Variants in SDK2 observed in about 807,000 individuals in gnomAD.
The protein encoded by SDK2 is sidekick cell adhesion molecule 2.
Under a neutral mutation model 253.9 loss-of-function variants are expected in SDK2, and 105 were observed. That is an observed-to-expected ratio of 0.41 (90% CI 0.35 to 0.49). The LOEUF (loss-of-function observed/expected upper bound fraction) is 0.49, where lower values mean the gene tolerates loss of function less well. Ranked by LOEUF, SDK2 falls within the 20% of genes least tolerant of loss-of-function variation. The pLI, the probability that SDK2 is intolerant of heterozygous loss-of-function variation, is 0.06. For synonymous variants in SDK2, 1,249 were observed against 1,234.9 expected (o/e 1.01, Z -0.24); for missense variants, 2,608 against 3,003.0 (o/e 0.87, Z 3.07).
chr17:73,436,882 G>A (rs1423708409), intron 8 of SDK2, among the ~76,000 whole-genome samples: 1 of 152,118 alleles, frequency 6.6e-6, no homozygotes, highest in Non-Finnish European at 1.5e-5. Context: ...TGGCATTTTA[G>A]ATGAGATGAA....
At position 73,338,072 on chromosome 17, in the gene SDK2, T is replaced by G. The variant is rs530461492; in HGVS notation, c.*515A>C. Reference sequence around the variant, plus strand: ...CGATGCCTGCCAGCCACAGTGATGGTGCATGGAGGGAAGGAGGAGCAGAGA... The same window carrying G: ...CGATGCCTGCCAGCCACAGTGATGGGGCATGGAGGGAAGGAGGAGCAGAGA... On this transcript the variant is annotated 3_prime_UTR_variant, in exon 45 of 45. Transcript: ENST00000392650. The surrounding 1 kb of genome is among the most constrained non-coding windows in gnomAD (Gnocchi z 5.0). 30 of 229,192 alleles carry G rather than the reference T, an allele frequency of 1.3e-4. 2 individuals are homozygous for G. The South Asian group carries it at 1.5e-3, about 12-fold the overall frequency. 14.2% of individuals were successfully genotyped at this position (229,192 alleles called of 1,614,324 possible). A position where few individuals can be genotyped will look rare whatever the true frequency, so the allele number is the denominator to read the frequency against.
chr17:73,574,637 A>G (rs1056498597), intron 1 of SDK2, among the ~76,000 whole-genome samples: 2 of 152,110 alleles, frequency 1.3e-5, no homozygotes, highest in Non-Finnish European at 2.9e-5. Flanking sequence ...TGGGCACACC[A>G]TCACCTCTAC....
chr17:73,637,889 C>A (rs1024249965), intron 1 of SDK2, among the ~76,000 whole-genome samples: 3 of 152,366 alleles, frequency 2.0e-5, no homozygotes, highest in South Asian at 2.1e-4. Context: ...AGATGCCAGG[C>A]CTGCTAAGAG....
At chr17:73,486,095 G>A (rs1053028950) in intron 2 of SDK2, among the ~76,000 whole-genome samples, 7 of 152,130 alleles carry the variant, frequency 4.6e-5, no homozygotes, top group African/African-American at 1.7e-4. Context: ...AGCATGAGGG[G>A]GCACCTGATG....
At chr17:73,597,839 G>A (rs2045781871) in intron 1 of SDK2, among the ~76,000 whole-genome samples, 1 of 151,976 alleles carries the variant, frequency 6.6e-6, no homozygotes, top group African/African-American at 2.4e-5. Context: ...TAGAGATGGG[G>A]TTTCACTGTG....
At chr17:73,469,311 C>T (rs1220741781) in intron 3 of SDK2, among the ~76,000 whole-genome samples, 3 of 152,210 alleles carry the variant, frequency 2.0e-5, no homozygotes, top group African/African-American at 7.2e-5. Context: ...TCACTGCCAG[C>T]ATCACCCAGG....
chr17:73,607,666 C>T (rs1334318988), intron 1 of SDK2, among the ~76,000 whole-genome samples: 1 of 151,878 alleles, frequency 6.6e-6, no homozygotes, highest in African/African-American at 2.4e-5. Flanking sequence ...CTGCACACCC[C>T]AAGGTTTTCC....
chr17:73,524,891 G>A (rs909352664), intron 1 of SDK2, among the ~76,000 whole-genome samples: 5 of 152,358 alleles, frequency 3.3e-5, no homozygotes, highest in Admixed American at 1.3e-4. Flanking sequence ...TCATGCAGAC[G>A]TTTCAGGCAG....
At chr17:73,623,067 T>C (rs2046153603) in intron 1 of SDK2, among the ~76,000 whole-genome samples, 1 of 152,256 alleles carries the variant, frequency 6.6e-6, no homozygotes, top group Non-Finnish European at 1.5e-5. Context: ...ATGTCCCCAG[T>C]TCAAATGTCC....
intron 1 of SDK2, among the ~76,000 whole-genome samples, chr17:73,638,220 T>C (rs1280438773): frequency 6.6e-6 from 1 of 152,104 alleles, no homozygotes; most frequent in Admixed American, 6.5e-5. Flanking sequence ...CCAGTAAGCA[T>C]TCATTCATTC....
chr17:73,613,390 G>A (rs2046003225), intron 1 of SDK2, among the ~76,000 whole-genome samples: 1 of 146,524 alleles, frequency 6.8e-6, no homozygotes, highest in Admixed American at 6.8e-5. Context: ...CTGGCCCCAG[G>A]CCCCTGGAGA....
Position 73,386,507 on chromosome 17 carries a change from G to A in SDK2, c.4436C>T (p.Thr1479Ile), listed in dbSNP as rs1013415637. ...FTSYKFRVKA[T>I]NDIGDSEFSE... ...GAACTCGCTGTCGCCAATGTCATTG[G>A]TCGCCTTCACTCGGAACTTGTAGGA... The change falls in exon 31 of 45, where the codon ACC becomes ATC. Residue 1479 changes from threonine (T) to isoleucine (I), a missense_variant. Thr to Ile is a moderately conservative substitution (Grantham distance 89). This residue lies in a region of SDK2 where 1,103 missense variants were observed against 1,143.9 expected (regional missense o/e 0.96). Coordinates refer to ENST00000392650, the MANE Select transcript of SDK2 (RefSeq NM_001144952.2). The A allele has an allele frequency of 8.3e-6, 13 of 1,561,800 alleles. No individual in the cohort carries two copies. Among genetic ancestry groups the A allele is most frequent in the Non-Finnish European group, 1.0e-5 (12 of 1,152,876 alleles).
chr17:73,507,413 G>A lies in SDK2; in HGVS notation c.224+25C>T, dbSNP rs942252718. ...AGGGCAGTGGTCCTGGCAGCCAGGA[G>A]GAAGGGCGGGGAGGGGCAGTTTACC... On this transcript the variant is annotated intron_variant, in intron 2 of 44. Coordinates refer to ENST00000392650, the MANE Select transcript of SDK2 (RefSeq NM_001144952.2). The A allele has an allele frequency of 7.1e-6, 11 of 1,542,726 alleles. No individual in the cohort carries two copies. In the African/African-American group the frequency reaches 1.4e-4, roughly 19 times the overall value.
At chr17:73,462,613 T>C (rs2145676120) in intron 3 of SDK2, among the ~76,000 whole-genome samples, 1 of 152,256 alleles carries the variant, frequency 6.6e-6, no homozygotes, top group African/African-American at 2.4e-5. Flanking sequence ...TATATGTGCC[T>C]GTATGGTGGG....
intron 1 of SDK2, among the ~76,000 whole-genome samples, chr17:73,582,860 G>A (rs1170012757): frequency 6.6e-6 from 1 of 152,160 alleles, no homozygotes; most frequent in African/African-American, 2.4e-5. Context: ...TGGTGGTCAG[G>A]ACTCACGTCT....
rs2062371337 is a variant in SDK2 at position 73,335,544 on chromosome 17, A to G, written c.*3043T>C. On this transcript the variant is annotated 3_prime_UTR_variant, in exon 45 of 45. Transcript: ENST00000392650. ...GCCAGTAGATATGTAAACAAGGGCA[A>G]AGAGACGTGTCCTGAAAAAATCTAG... 6.6e-6 allele frequency: 1 copy of G among 152,250 alleles called. No individual in the cohort carries two copies. The highest frequency in any genetic ancestry group is 2.4e-5 in the African/African-American group (1 of 41,448). 9.4% of individuals were successfully genotyped at this position (152,250 alleles called of 1,614,324 possible). A position where few individuals can be genotyped will look rare whatever the true frequency, so the allele number is the denominator to read the frequency against.
intron 1 of SDK2, among the ~76,000 whole-genome samples, chr17:73,508,983 G>T (rs1018130857): frequency 1.1e-4 from 17 of 152,218 alleles, no homozygotes; most frequent in South Asian, 2.1e-4. Context: ...CGGCGGGGAG[G>T]AGTCCAGGCT....
intron 30 of SDK2, among the ~76,000 whole-genome samples, chr17:73,387,357 G>T (rs571673141): frequency 2.0e-5 from 3 of 151,932 alleles, no homozygotes; most frequent in Non-Finnish European, 2.9e-5. Context: ...GGGAGCAAAC[G>T]TCTCTCTTTT....
chr17:73,334,475 C>A lies in SDK2; in HGVS notation c.*4112G>T, dbSNP rs987423386. Reference sequence around the variant, plus strand: ...ATATTTCAAATCAATTTCTTTCTTACCTTTCATTTAAAAAATAAACCTGCT... The same window carrying A: ...ATATTTCAAATCAATTTCTTTCTTAACTTTCATTTAAAAAATAAACCTGCT... On this transcript the variant is annotated 3_prime_UTR_variant, in exon 45 of 45. Transcript: ENST00000392650. The A allele has an allele frequency of 6.6e-6, 1 of 152,148 alleles. No homozygotes were observed. The highest frequency in any genetic ancestry group is 1.5e-5 in the Non-Finnish European group (1 of 68,028). The allele number at this position is 152,148 out of a possible 1,614,324, so 9.4% of individuals were successfully genotyped here. A position where few individuals can be genotyped will look rare whatever the true frequency, so the allele number is the denominator to read the frequency against.
Sources: allele counts gnomAD v4.1 joint callset (sites outside exome capture counted in the v4.1 genomes callset), GRCh38; gene constraint gnomAD v4.1.1; regional missense constraint gnomAD v4.1.1; non-coding constraint Gnocchi (gnomAD v3.1); transcripts MANE v1.5; gene names NCBI Gene and HGNC (gene_info 2026-07-23, HGNC 2026-07-21).